The following ASXL3 variants were observed in gnomAD, a reference collection of about 807,000 sequenced individuals.
The protein encoded by ASXL3 is putative Polycomb group protein ASXL3.
A neutral mutation model predicts 170.6 loss-of-function variants in ASXL3; 34 were observed. The observed-to-expected ratio is 0.20, with a 90% CI of 0.15 to 0.27. The LOEUF (loss-of-function observed/expected upper bound fraction) is 0.27, where lower values mean the gene tolerates loss of function less well. Ranked by LOEUF, ASXL3 falls within the 10% of genes least tolerant of loss-of-function variation. ASXL3 has a pLI of 1.00. For missense variants in ASXL3, 2,592 were observed against 2,695.3 expected (o/e 0.96, Z 0.85); for synonymous variants, 1,002 against 989.1 (o/e 1.01, Z -0.24).
In ASXL3 at chr18:33,729,674, G is replaced by C. The variant is rs567466868; in HGVS notation, c.880-2294G>C. On this transcript the variant is annotated intron_variant, in intron 8 of 11. Coordinates refer to ENST00000269197, the MANE Select transcript of ASXL3 (RefSeq NM_030632.3). The stretch of plus-strand genomic sequence containing the variant: ...TTATGACCAGAAGCTTAGTGGATCA[G>C]CTATAGGCTGTGCCAGTCTCAAGCT... Among the ~76,000 whole-genome samples the C allele has an allele frequency of 3.3e-5, 5 of 152,254 alleles. No individual in the cohort carries two copies. The South Asian group carries it at 1.0e-3, about 32-fold the overall frequency.
chr18:33,680,154 A>G (rs540313660), intron 7 of ASXL3, among the ~76,000 whole-genome samples: 4 of 152,142 alleles, frequency 2.6e-5, no homozygotes, highest in East Asian at 3.9e-4. Flanking sequence ...AAATTTCGGT[A>G]TCATTAAAAA....
At chr18:33,672,253 A>G (rs1427883696) in intron 7 of ASXL3, among the ~76,000 whole-genome samples, 1 of 152,142 alleles carries the variant, frequency 6.6e-6, no homozygotes, top group Non-Finnish European at 1.5e-5. Flanking sequence ...GGTTCACTGA[A>G]CTGGAGAGTA....
At chr18:33,725,351 A>G (rs1422055724) in intron 8 of ASXL3, among the ~76,000 whole-genome samples, 2 of 152,158 alleles carry the variant, frequency 1.3e-5, no homozygotes, top group Non-Finnish European at 2.9e-5. Context: ...CACATCCACA[A>G]TACAGATCAC....
intron 8 of ASXL3, among the ~76,000 whole-genome samples, chr18:33,723,096 GA>G (rs2067289863): frequency 6.6e-6 from 1 of 152,160 alleles, no homozygotes; most frequent in Non-Finnish European, 1.5e-5. Context: ...TGGGGTCACT[GA>G]AGAAGCTGAC....
Position 33,734,392 on chromosome 18 carries a change from C to A in ASXL3, c.1059C>A (p.Phe353Leu). 6 of 1,605,088 alleles carry A rather than the reference C, an allele frequency of 3.7e-6. No individual in the cohort carries two copies. The highest frequency in any genetic ancestry group is 5.1e-6 in the Non-Finnish European group (6 of 1,176,396). ...AAACAGAACCTTGGAAAGAAAAATT[C>A]TTTGAGAGGTTTTATGGAGAAAAGT... ...EKKTEPWKEKFFERFYGEKLG... is the reference protein window; with the variant it reads ...EKKTEPWKEKLFERFYGEKLG... The change falls in exon 10 of 12, where the codon TTC (phenylalanine) becomes TTA (leucine). Residue 353 changes from phenylalanine (F) to leucine (L), a missense_variant. This residue lies in a region of ASXL3 where 73 missense variants were observed against 142.7 expected (regional missense o/e 0.51). Coordinates refer to ENST00000269197, the MANE Select transcript of ASXL3 (RefSeq NM_030632.3).
rs925005721 is a variant in ASXL3, at chr18:33,630,198, C to T, written c.138-14696C>T. Among the ~76,000 whole-genome samples, 56 of 151,986 alleles carry T rather than the reference C, an allele frequency of 3.7e-4. 1 individual carries two copies. The highest frequency in any genetic ancestry group is 6.3e-4 in the Non-Finnish European group (43 of 67,902). On this transcript the variant is annotated intron_variant, in intron 2 of 11. Transcript: ENST00000269197. ...AGGGTGCTTAAATTCACTGCTCTTT[C>T]TAGTTATACTTCCTTTCTAAAGCCT...
chr18:33,597,752 A>T (rs938470359), intron 1 of ASXL3, among the ~76,000 whole-genome samples: 10 of 151,708 alleles, frequency 6.6e-5, no homozygotes, highest in African/African-American at 2.4e-4. Context: ...TAAGTGAATT[A>T]AAAGTGAATT....
intron 7 of ASXL3, among the ~76,000 whole-genome samples, chr18:33,680,628 C>A (rs543528955): frequency 6.6e-6 from 1 of 151,974 alleles, no homozygotes; most frequent in Non-Finnish European, 1.5e-5. Context: ...TGAGGCTGTG[C>A]TATTTAAATG....
rs146964521 is a variant in ASXL3, at chr18:33,610,545, A to G, written c.137+2869A>G. The stretch of plus-strand genomic sequence containing the variant: ...AAGTGCTATCGGGGTCCTTCATTCT[A>G]TGTGTGCCAGGCAGGTCTCCGAGAG... On this transcript the variant is annotated intron_variant, in intron 2 of 11. Coordinates refer to ENST00000269197, the MANE Select transcript of ASXL3 (RefSeq NM_030632.3). 1.6e-3 allele frequency among the ~76,000 whole-genome samples: 245 copies of G among 152,000 alleles called. 1 individual carries two copies. The highest frequency in any genetic ancestry group is 5.6e-3 in the African/African-American group (234 of 41,482).
intron 2 of ASXL3, among the ~76,000 whole-genome samples, chr18:33,621,523 T>C (rs2065512215): frequency 6.6e-6 from 1 of 152,176 alleles, no homozygotes; most frequent in Non-Finnish European, 1.5e-5. Flanking sequence ...GAGATTGTAC[T>C]ATAATTTGTA....
At chr18:33,626,296 T>C (rs1354888765) in intron 2 of ASXL3, among the ~76,000 whole-genome samples, 3 of 152,120 alleles carry the variant, frequency 2.0e-5, no homozygotes, top group Non-Finnish European at 4.4e-5. Context: ...ATCTTACCAT[T>C]TCAAGTTGTT....
intron 1 of ASXL3, among the ~76,000 whole-genome samples, chr18:33,595,106 T>C (rs1158172617): frequency 6.6e-6 from 1 of 152,206 alleles, no homozygotes; most frequent in African/African-American, 2.4e-5. Context: ...TTTAAAATGT[T>C]AGTCCTATTT....
chr18:33,582,940 ATTAAT>A (rs2065005909), intron 1 of ASXL3, among the ~76,000 whole-genome samples: 3 of 152,186 alleles, frequency 2.0e-5, no homozygotes, highest in Admixed American at 2.0e-4. Flanking sequence ...ATTTCCTTAA[ATTAAT>A]AGAGGAAATA....
intron 8 of ASXL3, among the ~76,000 whole-genome samples, chr18:33,714,907 T>G (rs1402818482): frequency 6.6e-6 from 1 of 152,212 alleles, no homozygotes; most frequent in Non-Finnish European, 1.5e-5. Context: ...CACTTTTTCT[T>G]GTGGACTGGT....
chr18:33,661,970 A>T (rs2145233895), intron 5 of ASXL3, among the ~76,000 whole-genome samples: 1 of 152,294 alleles, frequency 6.6e-6, no homozygotes, highest in South Asian at 2.1e-4. Context: ...CCCACTGAAA[A>T]TATGTAAAAA....
chr18:33,747,205 G>C lies in ASXL3; in HGVS notation c.*610G>C, dbSNP rs1355927417. On this transcript the variant is annotated 3_prime_UTR_variant, in exon 12 of 12. Transcript: ENST00000269197. ...TCTTTCCTCCTGTTGTACTTTCTCA[G>C]AGACTATGGCAGAATATCTGGATCT... 1 of 152,162 alleles carries C rather than the reference G, an allele frequency of 6.6e-6. No individual in the cohort carries two copies. Among genetic ancestry groups the C allele is most frequent in the Non-Finnish European group, 1.5e-5 (1 of 68,034 alleles). The allele number at this position is 152,162 out of a possible 1,614,324, so 9.4% of individuals were successfully genotyped here.
chr18:33,730,040 A>G (rs1337113565), intron 8 of ASXL3, among the ~76,000 whole-genome samples: 1 of 152,150 alleles, frequency 6.6e-6, no homozygotes, highest in African/African-American at 2.4e-5. Flanking sequence ...TAACCAGACA[A>G]AGCTTTGGCT....
At chr18:33,601,989 A>G (rs959393421) in intron 1 of ASXL3, among the ~76,000 whole-genome samples, 14 of 151,472 alleles carry the variant, frequency 9.2e-5, no homozygotes, top group Non-Finnish European at 2.1e-4. Context: ...TTTTTTAGAG[A>G]CAGGGTCTCA....
In ASXL3 at chr18:33,739,119, T is replaced by C. The variant is rs201461218; in HGVS notation, c.1715T>C (p.Ile572Thr). The change falls in exon 11 of 12, where the codon ATA becomes ACA. Residue 572 changes from isoleucine to threonine, a missense_variant. Around this residue, in one of 4 missense-constraint regions of ASXL3, gnomAD observed 2,246 missense variants for 2,219.6 expected, o/e 1.01. Transcript: ENST00000269197. ...GCAGTAGAGACCAGTACCCCCAAAA[T>C]AAAAACAGGGTCATCTTCTCTAGAA... is the stretch of plus-strand genomic sequence containing the variant. ...ETAVETSTPK[I>T]KTGSSSLEGQ... is the part of the protein sequence containing the mutation. 6.2e-7 allele frequency: 1 copy of C among 1,613,330 alleles called. No individual in the cohort carries two copies. The highest frequency in any genetic ancestry group is 1.3e-5 in the African/African-American group (1 of 74,994).
Sources: allele counts gnomAD v4.1 joint callset (sites outside exome capture counted in the v4.1 genomes callset), GRCh38; gene constraint gnomAD v4.1.1; regional missense constraint gnomAD v4.1.1; transcripts MANE v1.5; gene names NCBI Gene and HGNC (gene_info 2026-07-23, HGNC 2026-07-21).